The following CNTN5 variants were observed in gnomAD, a reference collection of about 807,000 sequenced individuals.
CNTN5 encodes the protein contactin-5.
In CNTN5, 77 loss-of-function variants were observed where a neutral mutation model predicts 129.1. That is an observed-to-expected ratio of 0.60 (90% CI 0.50 to 0.72). The LOEUF is 0.72. CNTN5 is among the 30% of genes least tolerant of loss of function. The pLI, the probability that CNTN5 is intolerant of heterozygous loss-of-function variation, is 0.00. For synonymous variants in CNTN5, 509 were observed against 465.6 expected, an observed-to-expected ratio of 1.09 and a Z score of -1.20; for missense variants, 1,478 against 1,328.8, an observed-to-expected ratio of 1.11 and a Z score of -1.75.
At chr11:99,200,343 A>G (rs1859108690) in intron 1 of CNTN5, among the ~76,000 whole-genome samples, 2 of 152,218 alleles carry the variant, frequency 1.3e-5, no homozygotes, top group African/African-American at 4.8e-5. Flanking sequence ...TCTAATATGT[A>G]ATATCTCTGC....
chr11:100,026,990 T>A (rs1941453242), intron 9 of CNTN5, among the ~76,000 whole-genome samples: 1 of 152,104 alleles, frequency 6.6e-6, no homozygotes, highest in Non-Finnish European at 1.5e-5. Context: ...GACATTGAAG[T>A]TTTTATCTCT....
intron 7 of CNTN5, among the ~76,000 whole-genome samples, chr11:99,942,094 A>T (rs1950451612): frequency 6.6e-6 from 1 of 152,128 alleles, no homozygotes; most frequent in African/African-American, 2.4e-5. Flanking sequence ...GGGGCAACTC[A>T]AGATAGCTCC....
At chr11:99,534,576 C>T (rs1947834091) in intron 2 of CNTN5, among the ~76,000 whole-genome samples, 1 of 152,130 alleles carries the variant, frequency 6.6e-6, no homozygotes, top group Non-Finnish European at 1.5e-5. Context: ...AGTTTACACA[C>T]ACTCATACAA....
At chr11:99,051,474 G>C (rs1325900085) in intron 1 of CNTN5, among the ~76,000 whole-genome samples, 2 of 151,850 alleles carry the variant, frequency 1.3e-5, no homozygotes, top group African/African-American at 4.8e-5. Flanking sequence ...TTTTTCTGCG[G>C]TGATTTCATT....
chr11:100,230,421 C>T (rs1041678363), intron 16 of CNTN5, among the ~76,000 whole-genome samples: 11 of 152,116 alleles, frequency 7.2e-5, no homozygotes, highest in African/African-American at 2.7e-4. Flanking sequence ...TTCTCTTATG[C>T]TTTTCATATG....
At chr11:100,052,767 C>T (rs1288483500) in intron 9 of CNTN5, among the ~76,000 whole-genome samples, 1 of 151,662 alleles carries the variant, frequency 6.6e-6, no homozygotes, top group Non-Finnish European at 1.5e-5. Flanking sequence ...GAAAAAGAAA[C>T]AAACTTAGAA....
chr11:99,964,787 C>T (rs190277322), intron 8 of CNTN5, among the ~76,000 whole-genome samples: 1 of 152,222 alleles, frequency 6.6e-6, no homozygotes, highest in African/African-American at 2.4e-5. Context: ...TCCATCTGGT[C>T]CTGGACTTTT....
intron 3 of CNTN5, among the ~76,000 whole-genome samples, chr11:99,655,056 G>A (rs1028717521): frequency 1.3e-5 from 2 of 151,978 alleles, no homozygotes; most frequent in African/African-American, 2.4e-5. Flanking sequence ...ATGGGCCAGG[G>A]AGATGAAGAA....
chr11:99,378,010 A>G (rs1940293799), intron 2 of CNTN5, among the ~76,000 whole-genome samples: 1 of 152,138 alleles, frequency 6.6e-6, no homozygotes, highest in African/African-American at 2.4e-5. Context: ...GAGTTCCTAG[A>G]TGGTTTAAAG....
At chr11:99,357,292 G>C (rs994799441) in intron 2 of CNTN5, among the ~76,000 whole-genome samples, 1 of 151,998 alleles carries the variant, frequency 6.6e-6, no homozygotes, top group African/African-American at 2.4e-5. Flanking sequence ...ATTCAATATA[G>C]CCACCAGCGT....
intron 23 of CNTN5, among the ~76,000 whole-genome samples, chr11:100,350,088 G>C (rs1459340200): frequency 1.3e-5 from 2 of 151,844 alleles, no homozygotes; most frequent in African/African-American, 2.4e-5. Flanking sequence ...TTACCAAAAA[G>C]CAAACCACTA....
chr11:99,324,599 A>G (rs1865704509), intron 1 of CNTN5, among the ~76,000 whole-genome samples: 1 of 152,226 alleles, frequency 6.6e-6, no homozygotes, highest in South Asian at 2.1e-4. Flanking sequence ...TAATGGAAAT[A>G]TGAATTTCAG....
intron 1 of CNTN5, among the ~76,000 whole-genome samples, chr11:99,161,013 A>G (rs1860584922): frequency 6.6e-6 from 1 of 152,152 alleles, no homozygotes; most frequent in African/African-American, 2.4e-5. Flanking sequence ...AAACTTGTGA[A>G]TTTGGGGAAA....
intron 6 of CNTN5, among the ~76,000 whole-genome samples, chr11:99,910,009 A>G (rs1949616834): frequency 6.6e-6 from 1 of 152,132 alleles, no homozygotes; most frequent in Admixed American, 6.6e-5. Context: ...TGTAATAGGA[A>G]AGTATTTAAT....
At chr11:99,163,784 A>G (rs1336029720) in intron 1 of CNTN5, among the ~76,000 whole-genome samples, 1 of 152,192 alleles carries the variant, frequency 6.6e-6, no homozygotes, top group Non-Finnish European at 1.5e-5. Context: ...TGAATGTCAC[A>G]TTTAACCTCA....
chr11:99,049,308 T>C (rs1347709016), intron 1 of CNTN5, among the ~76,000 whole-genome samples: 1 of 152,136 alleles, frequency 6.6e-6, no homozygotes, highest in Non-Finnish European at 1.5e-5. Flanking sequence ...CTGAGTTAGG[T>C]AGATAAAACA....
chr11:99,366,914 T>G (rs1165838216), intron 2 of CNTN5, among the ~76,000 whole-genome samples: 3 of 152,200 alleles, frequency 2.0e-5, no homozygotes, highest in Non-Finnish European at 4.4e-5. Flanking sequence ...ATTCGGTGCC[T>G]TTGCAGTTAA....
At chr11:99,802,120 T>C (rs1452007812) in intron 3 of CNTN5, among the ~76,000 whole-genome samples, 3 of 152,232 alleles carry the variant, frequency 2.0e-5, no homozygotes, top group Admixed American at 6.5e-5. Context: ...CTGTAGAGAA[T>C]ATTGAGTAGA....
At position 99,866,627 on chromosome 11, in the gene CNTN5, T is replaced by G. The variant is rs551612818; in HGVS notation, c.577+21365T>G. On this transcript the variant is annotated intron_variant, in intron 6 of 24. Coordinates refer to ENST00000524871, the MANE Select transcript of CNTN5 (RefSeq NM_014361.4). ...ACTCCAAGCCACTTAATAACATCTTTAGAGCTGAAGTTTAGGAACTAGTGC... is the reference window on the plus strand; with the variant it reads ...ACTCCAAGCCACTTAATAACATCTTGAGAGCTGAAGTTTAGGAACTAGTGC... 1.2e-4 allele frequency among the ~76,000 whole-genome samples: 19 copies of G among 152,312 alleles called. No homozygotes were observed. In the East Asian group the frequency reaches 3.1e-3, roughly 25 times the overall value.
Sources: gnomAD v4.1 joint callset for allele counts (sites outside exome capture counted in the v4.1 genomes callset) on GRCh38, gnomAD v4.1.1 for gene constraint, MANE v1.5 for transcripts, NCBI Gene and HGNC (gene_info 2026-07-23, HGNC 2026-07-21) for gene names.